The following TTC34 variants were observed in gnomAD, a reference collection of about 807,000 sequenced individuals.
The protein encoded by TTC34 is tetratricopeptide repeat domain 34, also known as tetratricopeptide repeat protein 34.
Under a neutral mutation model 40.7 loss-of-function variants are expected in TTC34, and 44 were observed. The ratio of observed to expected loss-of-function variants is 1.08; its 90% CI spans 0.85 to 1.39. The LOEUF (loss-of-function observed/expected upper bound fraction) is 1.39. Ranked by LOEUF, TTC34 falls within the 40% of genes most tolerant of loss-of-function variation. TTC34 has a pLI of 0.00. For synonymous variants in TTC34, 422 were observed against 398.6 expected (o/e 1.06, Z -0.70); for missense variants, 884 against 838.0 (o/e 1.05, Z -0.68).
At chr1:2,686,083 C>T (rs1487620613) in intron 6 of TTC34, among the ~76,000 whole-genome samples, 2 of 120,412 alleles carry the variant, frequency 1.7e-5, no homozygotes, top group South Asian at 5.2e-4. Flanking sequence ...ACCCACACCC[C>T]CAGGCGAGCA....
chr1:2,698,447 C>A (rs1261001294), intron 6 of TTC34, among the ~76,000 whole-genome samples: 4 of 106,586 alleles, frequency 3.8e-5, no homozygotes, highest in East Asian at 2.5e-4. Flanking sequence ...GCACCCACAC[C>A]CCCAGGTGGG....
intron 6 of TTC34, among the ~76,000 whole-genome samples, chr1:2,752,926 C>A (rs1641372641): frequency 1.4e-5 from 2 of 147,118 alleles, no homozygotes; most frequent in Admixed American, 6.8e-5. Flanking sequence ...CCTGAAACAG[C>A]TCCCACAACC....
chr1:2,777,481 A>G (rs574064147), intron 6 of TTC34, among the ~76,000 whole-genome samples: 3 of 151,692 alleles, frequency 2.0e-5, no homozygotes, highest in Non-Finnish European at 4.4e-5. Flanking sequence ...AATTCCTGGA[A>G]TATGTGCTGT....
At chr1:2,761,044 T>C (rs1278555894) in intron 6 of TTC34, among the ~76,000 whole-genome samples, 8 of 55,154 alleles carry the variant, frequency 1.5e-4, no homozygotes, top group African/African-American at 3.2e-4. Flanking sequence ...GCACCCACAG[T>C]CCCAGGTGAG....
At chr1:2,687,168 C>A (rs1410104290) in intron 6 of TTC34, among the ~76,000 whole-genome samples, 2 of 145,666 alleles carry the variant, frequency 1.4e-5, no homozygotes, top group Non-Finnish European at 2.9e-5. Flanking sequence ...CCCACACACA[C>A]AGGCGAGCAT....
Position 2,645,630 on chromosome 1 carries a change from G to A in TTC34, c.2227-67C>T. ...TAGAGAAACTGGGCAGAGGGTCAGA[G>A]TAGGAGGACTGGCTCTGTCTTTCTC... On this transcript the variant is annotated intron_variant, in intron 6 of 8. Coordinates refer to ENST00000401095, the Ensembl canonical transcript of TTC34. This position sits in a 1 kb window ranked among gnomAD's most constrained non-coding sequence, Gnocchi z 4.7. 4 of 1,395,580 alleles carry A rather than the reference G, an allele frequency of 2.9e-6. No homozygotes were observed. Among genetic ancestry groups the A allele is most frequent in the Non-Finnish European group, 3.7e-6 (4 of 1,067,788 alleles). The allele number at this position is 1,395,580 out of a possible 1,614,324, so 86.4% of individuals were successfully genotyped here. A position where few individuals can be genotyped will look rare whatever the true frequency, so the allele number is the denominator to read the frequency against.
intron 6 of TTC34, among the ~76,000 whole-genome samples, chr1:2,647,127 A>G (rs940124111): frequency 6.6e-6 from 1 of 151,660 alleles, no homozygotes; most frequent in Non-Finnish European, 1.5e-5. Flanking sequence ...GTGCCTTCTT[A>G]GGGGTGGTTC....
rs768210106 is a variant in TTC34 at position 2,700,130 on chromosome 1, C to A, written c.2227-54567G>T. Among the ~76,000 whole-genome samples the A allele has an allele frequency of 4.3e-5, 5 of 116,166 alleles. 2 individuals carry two copies. The highest frequency in any genetic ancestry group is 2.6e-4 in the South Asian group (1 of 3,804). 76.2% of individuals were successfully genotyped at this position (116,166 alleles called of 152,430 possible). A position where few individuals can be genotyped will look rare whatever the true frequency, so the allele number is the denominator to read the frequency against. On this transcript the variant is annotated intron_variant, in intron 6 of 8. Transcript: ENST00000401095. ...ATCCGAGAGCCTGGAGCAGCATCCT[C>A]ACCCCAGGTGAGCATCGGACATCCT...
At chr1:2,646,057 C>G (rs972488701) in intron 6 of TTC34, among the ~76,000 whole-genome samples, 1 of 152,204 alleles carries the variant, frequency 6.6e-6, no homozygotes, top group Non-Finnish European at 1.5e-5. Context: ...AGCCCAGTTA[C>G]TGCTCTCCCG....
rs547404496 is a variant in TTC34 at position 2,641,276 on chromosome 1, A to T, written c.*92T>A. 8.8e-5 allele frequency: 123 copies of T among 1,390,726 alleles called. No individual in the cohort carries two copies. The South Asian group carries it at 1.7e-3, about 20-fold the overall frequency. 86.1% of individuals were successfully genotyped at this position (1,390,726 alleles called of 1,614,324 possible). On this transcript the variant is annotated 3_prime_UTR_variant, in exon 9 of 9. Coordinates refer to ENST00000401095, the Ensembl canonical transcript of TTC34. ...AGAGGGCAGGGCAGGTACCTCCCCG[A>T]TTTAGGGAGCTGGGTACACCCCTGG...
At chr1:2,794,224 G>A (rs1569974776) in intron 2 of TTC34, among the ~76,000 whole-genome samples, 1 of 152,132 alleles carries the variant, frequency 6.6e-6, no homozygotes, top group East Asian at 1.9e-4. Flanking sequence ...CCAGGCTGGT[G>A]TCAGACTTCT....
rs1643710798 is a variant in TTC34, at chr1:2,796,462, G to A, written c.784+3582C>T. ...AATGGATGCACAATTCTTAGGGCAG[G>A]TGTTCCCTGTACACACCAGAGCCAC... On this transcript the variant is annotated intron_variant, in intron 2 of 8. Transcript: ENST00000401095. The surrounding 1 kb of genome is among the most constrained non-coding windows in gnomAD (Gnocchi z 4.5). 6.6e-6 allele frequency among the ~76,000 whole-genome samples: 1 copy of A among 152,206 alleles called. No homozygotes were observed. The highest frequency in any genetic ancestry group is 2.1e-4 in the South Asian group (1 of 4,830).
intron 6 of TTC34, among the ~76,000 whole-genome samples, chr1:2,660,656 G>C (rs1471615211): frequency 2.6e-5 from 1 of 38,350 alleles, no homozygotes; most frequent in African/African-American, 7.8e-5. Context: ...GGAGAGTCAG[G>C]AGCAGTGCCC....
rs1641802534 is a variant in TTC34 at position 2,767,445 on chromosome 1, C to G, written c.2226+16164G>C. Among the ~76,000 whole-genome samples the G allele has an allele frequency of 2.7e-5, 4 of 148,368 alleles. No individual in the cohort carries two copies. In the South Asian group the frequency reaches 8.8e-4, roughly 33 times the overall value. ...CCGCATGGAATGGCATCCTCACCTC[C>G]AGGTGAGCATCCGACAGCCTGGAAC... On this transcript the variant is annotated intron_variant, in intron 6 of 8. Coordinates refer to ENST00000401095, the Ensembl canonical transcript of TTC34.
chr1:2,788,234 C>T (rs908240777), intron 3 of TTC34, among the ~76,000 whole-genome samples: 4 of 152,178 alleles, frequency 2.6e-5, no homozygotes, highest in African/African-American at 9.7e-5. Flanking sequence ...AAATTAAACA[C>T]CCAGAAGGCA....
In TTC34 at chr1:2,700,309, G is replaced by A. The variant is rs371857754; in HGVS notation, c.2227-54746C>T. Among the ~76,000 whole-genome samples, 950 of 107,096 alleles carry A rather than the reference G, an allele frequency of 8.9e-3. 106 individuals are homozygous for A. Among genetic ancestry groups the A allele is most frequent in the Admixed American group, 0.015 (141 of 9,584 alleles). 70.3% of individuals were successfully genotyped at this position (107,096 alleles called of 152,430 possible). On this transcript the variant is annotated intron_variant, in intron 6 of 8. Transcript: ENST00000401095. ...CACCCACACCCCCAGGTGAGCATCCGACAGTCTGGGGCAGCACCCACTCCC... is the reference window on the plus strand; with the variant it reads ...CACCCACACCCCCAGGTGAGCATCCAACAGTCTGGGGCAGCACCCACTCCC...
intron 6 of TTC34, among the ~76,000 whole-genome samples, chr1:2,692,707 C>CA (rs1640682596): frequency 1.5e-3 from 184 of 120,550 alleles, no homozygotes; most frequent in Non-Finnish European, 2.2e-3. Flanking sequence ...CACCCACACC[C>CA]CAGGTGAGCA....
chr1:2,686,039 A>C (rs1388611595), intron 6 of TTC34, among the ~76,000 whole-genome samples: 4 of 96,150 alleles, frequency 4.2e-5, no homozygotes, highest in African/African-American at 5.0e-5. Flanking sequence ...AGCACCCTGC[A>C]CCCCCAAGTG....
intron 6 of TTC34, among the ~76,000 whole-genome samples, chr1:2,674,642 A>G (rs1266861670): frequency 1.1e-3 from 3 of 2,610 alleles, no homozygotes; most frequent in Non-Finnish European, 1.6e-3. Flanking sequence ...CCCCACACCC[A>G]CAGGTGAGCA....
Sources: gnomAD v4.1 joint callset for allele counts (sites outside exome capture counted in the v4.1 genomes callset) on GRCh38, gnomAD v4.1.1 for gene constraint, Gnocchi (gnomAD v3.1) non-coding constraint, MANE v1.5 for transcripts, NCBI Gene and HGNC (gene_info 2026-07-23, HGNC 2026-07-21) for gene names.